MAP3K2: variants seen among roughly 807,000 people sequenced by gnomAD.
The protein encoded by MAP3K2 is mitogen-activated protein kinase kinase kinase 2.
Under a neutral mutation model 80.3 loss-of-function variants are expected in MAP3K2, and 24 were observed. The ratio of observed to expected loss-of-function variants is 0.30; its 90% CI spans 0.22 to 0.42. The LOEUF is 0.42. Ranked by LOEUF, MAP3K2 falls within the 10% of genes least tolerant of loss-of-function variation. MAP3K2 has a pLI of 1.00. For synonymous variants in MAP3K2, 244 were observed against 253.7 expected (o/e 0.96, Z 0.36); for missense variants, 608 against 750.1 (o/e 0.81, Z 2.21).
chr2:127,347,158 T>C (rs1405680083), intron 1 of MAP3K2, among the ~76,000 whole-genome samples: 1 of 152,080 alleles, frequency 6.6e-6, no homozygotes. Context: ...AAAAACAGGA[T>C]ACATTCCCAG....
chr2:127,324,020 C>T (rs1177244850), intron 10 of MAP3K2, 26 bp from the exon 11 acceptor site: 1 of 1,182,806 alleles, frequency 8.5e-7, no homozygotes, highest in Non-Finnish European at 1.2e-6. Flanking sequence ...AGATGGTTAT[C>T]TTTTATTTAA....
chr2:127,345,231 C>A (rs1443762999), intron 1 of MAP3K2, among the ~76,000 whole-genome samples: 1 of 152,132 alleles, frequency 6.6e-6, no homozygotes, highest in Non-Finnish European at 1.5e-5. Flanking sequence ...CAAAACAGAC[C>A]TGCAGTGGCT....
chr2:127,318,232 A>G lies in MAP3K2; in HGVS notation c.1131T>C (p.Asp377=), dbSNP rs1207241374. ...FGRVYLCYDV[D]TGRELAVKQV... ...GCTTAACAGCCAATTCTCTTCCTGT[A>G]TCAACATCATAACAGAGGTAGACCC... Residue 377 remains aspartate, a synonymous_variant, in exon 13 of 17, where the codon GAT becomes GAC. Coordinates refer to ENST00000682094, the MANE Select transcript of MAP3K2 (RefSeq NM_001371910.2). 6.2e-7 allele frequency: 1 copy of G among 1,612,458 alleles called. No individual in the cohort carries two copies. The highest frequency in any genetic ancestry group is 8.5e-7 in the Non-Finnish European group (1 of 1,179,334).
At chr2:127,354,264 C>A (rs1232539768) in intron 1 of MAP3K2, among the ~76,000 whole-genome samples, 24 of 125,742 alleles carry the variant, frequency 1.9e-4, no homozygotes, top group African/African-American at 2.7e-4. Flanking sequence ...AAAGAAATAT[C>A]ATTTGAAAAA....
At chr2:127,372,689 A>ATGGCC (rs1687086304) in intron 1 of MAP3K2, among the ~76,000 whole-genome samples, 1 of 152,126 alleles carries the variant, frequency 6.6e-6, no homozygotes, top group African/African-American at 2.4e-5. Context: ...CTTTCTAATA[A>ATGGCC]TGGCCACAGT....
At chr2:127,387,187 A>G (rs1687368698) in intron 1 of MAP3K2, among the ~76,000 whole-genome samples, 2 of 152,234 alleles carry the variant, frequency 1.3e-5, no homozygotes, top group Admixed American at 6.5e-5. Flanking sequence ...CTTTCTTCTA[A>G]AATCTCTGCA....
chr2:127,311,701 C>T (rs541230057), intron 15 of MAP3K2, among the ~76,000 whole-genome samples: 2 of 151,974 alleles, frequency 1.3e-5, no homozygotes, highest in East Asian at 1.9e-4. Flanking sequence ...TGGTTCAGTA[C>T]ATATCTTTCA....
intron 5 of MAP3K2, among the ~76,000 whole-genome samples, chr2:127,333,131 C>CA (rs34727603): frequency 0.35 from 37,760 of 107,022 alleles, 5,889 homozygotes; most frequent in Middle Eastern, 0.43. Context: ...GATGCTGTCT[C>CA]AAAAAAAAAA....
chr2:127,322,830 G>A lies in MAP3K2; in HGVS notation c.839-578C>T, dbSNP rs367559166. Among the ~76,000 whole-genome samples, 31 of 151,480 alleles carry A rather than the reference G, an allele frequency of 2.0e-4. No homozygotes were observed. In the East Asian group the frequency reaches 3.7e-3, roughly 18 times the overall value. On this transcript the variant is annotated intron_variant, in intron 11 of 16. Transcript: ENST00000682094. The surrounding 1 kb of genome is among the most constrained non-coding windows in gnomAD (Gnocchi z 4.2). ...GGCTGGTCTCATACTCCTGACCTCA[G>A]GTGATCCACCCGCCTCGGCCTCCCA...
Position 127,387,794 on chromosome 2 carries a change from A to T in MAP3K2, c.-408T>A. 1.0e-6 allele frequency: 1 copy of T among 984,904 alleles called. No homozygotes were observed. The highest frequency in any genetic ancestry group is 1.2e-6 in the Non-Finnish European group (1 of 829,720). The allele number at this position is 984,904 out of a possible 1,614,324, so 61.0% of individuals were successfully genotyped here. ...AAGCCGCGGGCCCGCGTCGCTAGAGACCGGAGAAGAGGCGGGAGTGGCGAC... is the reference window on the plus strand; with the variant it reads ...AAGCCGCGGGCCCGCGTCGCTAGAGTCCGGAGAAGAGGCGGGAGTGGCGAC... On this transcript the variant is annotated 5_prime_UTR_variant, in exon 1 of 17. Transcript: ENST00000682094.
intron 1 of MAP3K2, among the ~76,000 whole-genome samples, chr2:127,370,616 C>T (rs941121367): frequency 1.3e-5 from 2 of 152,118 alleles, no homozygotes; most frequent in African/African-American, 4.8e-5. Flanking sequence ...AATTAAGGGA[C>T]CTAATGCAAA....
chr2:127,345,275 G>A (rs72964352), intron 1 of MAP3K2, among the ~76,000 whole-genome samples: 14 of 151,874 alleles, frequency 9.2e-5, no homozygotes, highest in African/African-American at 2.9e-4. Context: ...CACAAAAATT[G>A]TTGTGACAAA....
In MAP3K2 at chr2:127,307,080, ATTCT is replaced by A. The variant is rs1356262372; in HGVS notation, c.*495_*498del. The A allele has an allele frequency of 1.3e-5, 2 of 152,700 alleles. No individual in the cohort carries two copies. The highest frequency in any genetic ancestry group is 4.8e-5 in the African/African-American group (2 of 41,448). The allele number at this position is 152,700 out of a possible 1,614,324, so 9.5% of individuals were successfully genotyped here. On this transcript the variant is annotated 3_prime_UTR_variant, in exon 17 of 17. Coordinates refer to ENST00000682094, the MANE Select transcript of MAP3K2 (RefSeq NM_001371910.2). The surrounding 1 kb of genome is among the most constrained non-coding windows in gnomAD (Gnocchi z 5.4). Reference sequence around the variant, plus strand: ...AATACAGATATAAGAAGAAACCTATATTCTTTAAGTTGAGTACCTACCCTAAACT... The same window carrying A: ...AATACAGATATAAGAAGAAACCTATATTAAGTTGAGTACCTACCCTAAACT...
In MAP3K2 at chr2:127,322,136, G is replaced by T. The variant is rs754877887; in HGVS notation, c.955C>A (p.Pro319Thr). Reference protein sequence around the residue: ...STSSGSSIFTPEYDDSRIRRR... With the variant: ...STSSGSSIFTTEYDDSRIRRR... The stretch of plus-strand genomic sequence containing the variant: ...CTTATTCGACTATCATCATACTCTG[G>T]GGTAAAGATACTGCTTCCACTACTA... Residue 319 changes from proline (P) to threonine (T), a missense_variant, in exon 12 of 17, where the codon CCA (proline) becomes ACA (threonine). Around this residue, in one of 4 missense-constraint regions of MAP3K2, gnomAD observed 467 missense variants for 521.9 expected, o/e 0.89. Coordinates refer to ENST00000682094, the MANE Select transcript of MAP3K2 (RefSeq NM_001371910.2). This position sits in a 1 kb window ranked among gnomAD's most constrained non-coding sequence, Gnocchi z 4.2. 1.2e-6 allele frequency: 2 copies of T among 1,613,696 alleles called. No individual in the cohort carries two copies. Among genetic ancestry groups the T allele is most frequent in the Non-Finnish European group, 1.7e-6 (2 of 1,179,724 alleles).
In MAP3K2 at chr2:127,334,911, C is replaced by G. The variant is rs915590439; in HGVS notation, c.264+959G>C. 5.9e-5 allele frequency among the ~76,000 whole-genome samples: 9 copies of G among 152,100 alleles called. No individual in the cohort carries two copies. The South Asian group carries it at 1.9e-3, about 32-fold the overall frequency. On this transcript the variant is annotated intron_variant, in intron 5 of 16. Transcript: ENST00000682094. ...TCAGCCTCCCAGGTAGCTGGAACTA[C>G]AGGTGCACGTCACCACGCTCAGCTA...
chr2:127,375,138 T>G (rs1687127979), intron 1 of MAP3K2, among the ~76,000 whole-genome samples: 1 of 152,166 alleles, frequency 6.6e-6, no homozygotes, highest in Non-Finnish European at 1.5e-5. Flanking sequence ...GAGGATATGC[T>G]TGTGTTCACA....
At chr2:127,388,224 TC>T (rs1232821994), upstream of MAP3K2, 19 of 984,708 alleles carry the variant, frequency 1.9e-5, no homozygotes, top group Non-Finnish European at 2.3e-5. Context: ...CCTGTGCTGT[TC>T]CGTGTGCGCG....
At chr2:127,370,886 A>G (rs1687051127) in intron 1 of MAP3K2, among the ~76,000 whole-genome samples, 1 of 152,170 alleles carries the variant, frequency 6.6e-6, no homozygotes, top group Non-Finnish European at 1.5e-5. Flanking sequence ...AAAATAACAA[A>G]GAGGAAACGG....
chr2:127,331,056 G>T (rs1686247080), intron 5 of MAP3K2, among the ~76,000 whole-genome samples: 1 of 152,178 alleles, frequency 6.6e-6, no homozygotes, highest in African/African-American at 2.4e-5. Flanking sequence ...TTCTCTCTGA[G>T]CCTAGTGACC....
Sources: gnomAD v4.1 joint callset for allele counts (sites outside exome capture counted in the v4.1 genomes callset) on GRCh38, gnomAD v4.1.1 for gene constraint, gnomAD v4.1.1 regional missense constraint, Gnocchi (gnomAD v3.1) non-coding constraint, MANE v1.5 for transcripts, NCBI Gene and HGNC (gene_info 2026-07-23, HGNC 2026-07-21) for gene names.